The following MINAR2 variants were observed in gnomAD, a reference collection of about 807,000 sequenced individuals.
MINAR2 encodes the protein major intrinsically disordered NOTCH2-binding receptor 1-like.
MINAR2 carries 21 observed loss-of-function variants against 16.1 expected under a neutral mutation model. The observed-to-expected ratio is 1.31, with a 90% CI of 0.93 to 1.88. The LOEUF is 1.88. Ranked by LOEUF, MINAR2 falls within the 40% of genes most tolerant of loss-of-function variation. The pLI is 0.00. For missense variants in MINAR2, 259 were observed against 229.8 expected (o/e 1.13, Z -0.82); for synonymous variants, 86 against 83.0 (o/e 1.04, Z -0.20).
chr5:129,749,493 A>T (rs142551284), intron 1 of MINAR2, among the ~76,000 whole-genome samples: 1 of 152,134 alleles, frequency 6.6e-6, no homozygotes, highest in Non-Finnish European at 1.5e-5. Context: ...ATTTTGCATC[A>T]ATCACTTTGG....
intron 1 of MINAR2, among the ~76,000 whole-genome samples, chr5:129,750,622 G>A (rs957228939): frequency 6.6e-6 from 1 of 152,086 alleles, no homozygotes; most frequent in South Asian, 2.1e-4. Context: ...GCAACTGAGA[G>A]CCAGATTTTC....
chr5:129,752,409 C>A (rs1452868944), intron 1 of MINAR2, among the ~76,000 whole-genome samples: 1 of 151,904 alleles, frequency 6.6e-6, no homozygotes, highest in Non-Finnish European at 1.5e-5. Flanking sequence ...AGGATGAGTT[C>A]ATGTCCTTTG....
At chr5:129,762,858 G>A (rs1221686607) in intron 2 of MINAR2, among the ~76,000 whole-genome samples, 1 of 152,136 alleles carries the variant, frequency 6.6e-6, no homozygotes, top group Non-Finnish European at 1.5e-5. Flanking sequence ...CTTGAAGGAT[G>A]TATAGAATTC....
chr5:129,765,010 G>A lies in MINAR2; in HGVS notation c.520G>A (p.Val174Ile), dbSNP rs1172690094. The A allele has an allele frequency of 1.5e-6, 2 of 1,349,994 alleles. No individual in the cohort carries two copies. Among genetic ancestry groups the A allele is most frequent in the Non-Finnish European group, 1.9e-6 (2 of 1,050,424 alleles). 83.6% of individuals were successfully genotyped at this position (1,349,994 alleles called of 1,614,324 possible). The change falls in exon 3 of 3, where the codon GTC (valine) becomes ATC (isoleucine). Residue 174 changes from valine to isoleucine, a missense_variant. Physicochemically the swap from Val to Ile is conservative, Grantham distance 29. Transcript: ENST00000564719. The part of the protein sequence containing the change: ...KFCRMGLILL[V>I]VISILVTIVT... ...CTGTCGTATGGGTCTGATTTTACTT[G>A]TCGTTATCTCCATCTTGGTTACCAT...
intron 2 of MINAR2, among the ~76,000 whole-genome samples, chr5:129,763,246 C>T (rs1335677195): frequency 6.6e-6 from 1 of 152,170 alleles, no homozygotes; most frequent in African/African-American, 2.4e-5. Flanking sequence ...GGTTATTCGT[C>T]AGCACTAACT....
rs1251372086 is a variant in MINAR2, at chr5:129,764,890, C to G, written c.400C>G (p.Pro134Ala). Residue 134 changes from proline (P) to alanine (A), a missense_variant, in exon 3 of 3, where the codon CCT becomes GCT. Pro to Ala is a conservative substitution (Grantham distance 27, BLOSUM62 -1). Coordinates refer to ENST00000564719, the MANE Select transcript of MINAR2 (RefSeq NM_001257308.2). The part of the protein sequence containing the change: ...TNLSGHLKEN[P>A]NDLRFWLGDM... ...CTATGTAATTTTCTTTTAGGAAAAT[C>G]CTAATGACCTGCGGTTTTGGTTGGG... The G allele has an allele frequency of 3.0e-6, 4 of 1,315,716 alleles. No individual in the cohort carries two copies. In the East Asian group the frequency reaches 1.1e-4, roughly 37 times the overall value. The allele number at this position is 1,315,716 out of a possible 1,614,324, so 81.5% of individuals were successfully genotyped here. A position where few individuals can be genotyped will look rare whatever the true frequency, so the allele number is the denominator to read the frequency against.
At chr5:129,756,980 GTATATACACACA>G (rs1758063508) in intron 1 of MINAR2, among the ~76,000 whole-genome samples, 1 of 136,090 alleles carries the variant, frequency 7.3e-6, no homozygotes. Flanking sequence ...AAACATATAT[GTATATACACACA>G]TATATACACA....
At chr5:129,753,709 C>T (rs1335556669) in intron 1 of MINAR2, among the ~76,000 whole-genome samples, 12 of 151,574 alleles carry the variant, frequency 7.9e-5, no homozygotes, top group African/African-American at 2.7e-4. Context: ...GCTGAGATCG[C>T]GCCATTGTTC....
At chr5:129,753,779 G>A (rs762770545) in intron 1 of MINAR2, among the ~76,000 whole-genome samples, 5 of 146,998 alleles carry the variant, frequency 3.4e-5, no homozygotes, top group Non-Finnish European at 7.5e-5. Flanking sequence ...GAGTGAGAGC[G>A]TCAGAGAGAG....
At chr5:129,754,942 T>G (rs1358355546) in intron 1 of MINAR2, among the ~76,000 whole-genome samples, 3 of 152,174 alleles carry the variant, frequency 2.0e-5, no homozygotes, top group Non-Finnish European at 4.4e-5. Flanking sequence ...CTAAAATAAG[T>G]GTTTCTAATA....
rs80192512 is a variant in MINAR2 at position 129,760,613 on chromosome 5, C to T, written c.393+8C>T. ...CTCTCTGGACATCTGAAGGTACTCA[C>T]GACTAAGAGTCAACCTCTTCAACTG... On this transcript the variant is annotated splice_region_variant and intron_variant, in intron 2 of 2. Coordinates refer to ENST00000564719, the MANE Select transcript of MINAR2 (RefSeq NM_001257308.2). 210 of 1,524,672 alleles carry T rather than the reference C, an allele frequency of 1.4e-4. 2 individuals carry two copies. In the East Asian group the frequency reaches 4.0e-3, roughly 29 times the overall value. 94.4% of individuals were successfully genotyped at this position (1,524,672 alleles called of 1,614,324 possible).
chr5:129,749,166 A>G (rs940346365), intron 1 of MINAR2, among the ~76,000 whole-genome samples: 2 of 152,206 alleles, frequency 1.3e-5, no homozygotes, highest in African/African-American at 2.4e-5. Context: ...GAGTTAGTCA[A>G]TTTAGAAACA....
rs190521757 is a variant in MINAR2, at chr5:129,765,205, G to A, written c.*142G>A. 23 of 464,004 alleles carry A rather than the reference G, an allele frequency of 5.0e-5. No homozygotes were observed. The Admixed American group carries it at 6.1e-4, about 12-fold the overall frequency. The allele number at this position is 464,004 out of a possible 1,614,324, so 28.7% of individuals were successfully genotyped here. A position where few individuals can be genotyped will look rare whatever the true frequency, so the allele number is the denominator to read the frequency against. On this transcript the variant is annotated 3_prime_UTR_variant, in exon 3 of 3. Transcript: ENST00000564719. ...GTTGATTGTATTATTAAATGTAATT[G>A]TCCTGAAGAATGTGAATGTCAGGCG...
chr5:129,755,417 T>C (rs1409643565), intron 1 of MINAR2, among the ~76,000 whole-genome samples: 1 of 152,122 alleles, frequency 6.6e-6, no homozygotes, highest in African/African-American at 2.4e-5. Context: ...ATTTTGAGAA[T>C]GGTAGAAGTT....
intron 1 of MINAR2, among the ~76,000 whole-genome samples, chr5:129,755,262 A>C (rs929681493): frequency 6.6e-6 from 1 of 152,040 alleles, no homozygotes; most frequent in African/African-American, 2.4e-5. Flanking sequence ...TGCATTTATA[A>C]TTTTACATTT....
chr5:129,764,517 G>A (rs923095435), intron 2 of MINAR2, among the ~76,000 whole-genome samples: 8 of 152,154 alleles, frequency 5.3e-5, no homozygotes, highest in African/African-American at 1.7e-4. Context: ...TGAATTACAT[G>A]CACTATTTAT....
chr5:129,765,145 C>T lies in MINAR2; in HGVS notation c.*82C>T, dbSNP rs556497991. On this transcript the variant is annotated 3_prime_UTR_variant, in exon 3 of 3. Transcript: ENST00000564719. ...TTTGAAACCCCCCCCACCAAAATAA[C>T]AAAAAAACACATGTACATGCAGTGT... 31 of 742,592 alleles carry T rather than the reference C, an allele frequency of 4.2e-5. No homozygotes were observed. The highest frequency in any genetic ancestry group is 5.8e-5 in the Non-Finnish European group (31 of 531,466). 46.0% of individuals were successfully genotyped at this position (742,592 alleles called of 1,614,324 possible).
intron 1 of MINAR2, among the ~76,000 whole-genome samples, chr5:129,756,955 A>C (rs200452293): frequency 0.067 from 9,500 of 140,766 alleles, 275 homozygotes; most frequent in East Asian, 0.23. Flanking sequence ...AAAAAAAAAA[A>C]AAACACACAC....
At chr5:129,750,249 A>G (rs1304619498) in intron 1 of MINAR2, among the ~76,000 whole-genome samples, 1 of 152,202 alleles carries the variant, frequency 6.6e-6, no homozygotes, top group African/African-American at 2.4e-5. Flanking sequence ...AAAACAATAA[A>G]TGTCATAGAA....
Sources: allele counts gnomAD v4.1 joint callset (sites outside exome capture counted in the v4.1 genomes callset), GRCh38; gene constraint gnomAD v4.1.1; transcripts MANE v1.5; gene names NCBI Gene and HGNC (gene_info 2026-07-23, HGNC 2026-07-21).